Variants in ZNF254 observed in about 807,000 individuals in gnomAD.
The protein encoded by ZNF254 is zinc finger protein 254.
In ZNF254, 10 loss-of-function variants were observed where a neutral mutation model predicts 12.4. The ratio of observed to expected loss-of-function variants is 0.80; its 90% CI spans 0.50 to 1.36. The LOEUF is 1.36. ZNF254 is among the 40% of genes most tolerant of loss of function. The probability of loss-of-function intolerance (pLI) is 0.00; values close to 1 mark genes in which losing one functional copy is unlikely to be tolerated. For missense variants in ZNF254, 996 were observed against 763.9 expected (o/e 1.30, Z -3.58); for synonymous variants, 305 against 253.4 (o/e 1.20, Z -1.93).
At chr19:24,047,776 C>T (rs1173791143) in intron 2 of ZNF254, among the ~76,000 whole-genome samples, 4 of 150,962 alleles carry the variant, frequency 2.6e-5, no homozygotes, top group Non-Finnish European at 5.9e-5. Flanking sequence ...CAACCTCTAC[C>T]TCCCTGGTTT....
At chr19:24,084,932 CT>C (rs150066308), upstream of ZNF254, among the ~76,000 whole-genome samples, 347 of 119,670 alleles carry the variant, frequency 2.9e-3, 1 homozygote, top group African/African-American at 7.8e-3. Flanking sequence ...TGACCACAAT[CT>C]TTTTTTTTTT....
chr19:24,059,254 C>G (rs1410321479), intron 2 of ZNF254, among the ~76,000 whole-genome samples: 1 of 152,170 alleles, frequency 6.6e-6, no homozygotes, highest in Non-Finnish European at 1.5e-5. Context: ...CCTGTGTTTG[C>G]CTGTAAGAGA....
At chr19:24,123,221 T>C (rs1974605838) in intron 3 of ZNF254, among the ~76,000 whole-genome samples, 1 of 152,172 alleles carries the variant, frequency 6.6e-6, no homozygotes, top group Admixed American at 6.6e-5. Flanking sequence ...AATTTTTCAG[T>C]TTTTCTGTCT....
At chr19:24,077,643 G>A (rs1393984151) in intron 2 of ZNF254, among the ~76,000 whole-genome samples, 1 of 152,180 alleles carries the variant, frequency 6.6e-6, no homozygotes, top group East Asian at 1.9e-4. Context: ...GTGAAGATGG[G>A]AATAAACAGC....
In ZNF254 at chr19:24,096,512, G is replaced by A. The variant is rs572675079; in HGVS notation, c.30+9175G>A. The stretch of plus-strand genomic sequence containing the variant: ...TTGAACTATATTTCTGTTCAGCTGT[G>A]GTCTATGTGTTTGTTCTGTATAATT... On this transcript the variant is annotated intron_variant, in intron 1 of 3. Coordinates refer to ENST00000357002, the MANE Select transcript of ZNF254 (RefSeq NM_203282.4). Among the ~76,000 whole-genome samples the A allele has an allele frequency of 1.8e-3, 279 of 152,114 alleles. 1 individual carries two copies. The highest frequency in any genetic ancestry group is 6.2e-3 in the African/African-American group (258 of 41,494).
chr19:24,107,447 T>C (rs1973415423), intron 3 of ZNF254: 1 of 382,168 alleles, frequency 2.6e-6, no homozygotes, highest in Non-Finnish European at 4.6e-6. Flanking sequence ...GAGTATTTCA[T>C]TGATATTGTA....
At chr19:24,125,586 G>C (rs751816794) in intron 3 of ZNF254, among the ~76,000 whole-genome samples, 6 of 151,968 alleles carry the variant, frequency 3.9e-5, no homozygotes, top group Non-Finnish European at 8.8e-5. Flanking sequence ...GTCTTTGCTG[G>C]TGATTATGAG....
At chr19:24,106,668 T>A (rs754487481) in intron 3 of ZNF254, 25 bp downstream of exon 3, 2 of 1,546,516 alleles carry the variant, frequency 1.3e-6, no homozygotes, top group Non-Finnish European at 1.8e-6. Context: ...ATACAACAGA[T>A]GACATGGATG....
At chr19:24,086,399 G>A (rs1379058172), upstream of ZNF254, among the ~76,000 whole-genome samples, 1 of 151,948 alleles carries the variant, frequency 6.6e-6, no homozygotes, top group Non-Finnish European at 1.5e-5. Context: ...TCAGCCCCCC[G>A]GGTTCAAGGA....
chr19:24,061,847 G>A (rs1203576835), intron 2 of ZNF254, among the ~76,000 whole-genome samples: 1 of 152,164 alleles, frequency 6.6e-6, no homozygotes. Flanking sequence ...ACTTCAAGAG[G>A]TAGAGGTGGA....
intron 1 of ZNF254, among the ~76,000 whole-genome samples, chr19:24,038,536 GA>G (rs1417058930): frequency 6.6e-6 from 1 of 151,924 alleles, no homozygotes; most frequent in Non-Finnish European, 1.5e-5. Flanking sequence ...TAATTTTTCT[GA>G]GGCTTCAGAT....
At chr19:24,062,196 G>A (rs1403996899) in intron 2 of ZNF254, among the ~76,000 whole-genome samples, 1 of 152,018 alleles carries the variant, frequency 6.6e-6, no homozygotes, top group African/African-American at 2.4e-5. Context: ...GCACTTGGAT[G>A]GTACAGAGCA....
chr19:24,052,799 A>C (rs1403679919), intron 2 of ZNF254, among the ~76,000 whole-genome samples: 1 of 152,176 alleles, frequency 6.6e-6, no homozygotes, highest in Non-Finnish European at 1.5e-5. Context: ...ATTGTGATAC[A>C]TATCTTATCC....
chr19:24,083,350 A>G (rs1482422293), upstream of ZNF254, among the ~76,000 whole-genome samples: 1 of 152,208 alleles, frequency 6.6e-6, no homozygotes, highest in East Asian at 1.9e-4. Flanking sequence ...TCCCATGCTT[A>G]TAGATGGGTA....
In ZNF254 at chr19:24,092,592, G is replaced by A. The variant is rs186436478; in HGVS notation, c.30+5255G>A. 1.8e-4 allele frequency among the ~76,000 whole-genome samples: 28 copies of A among 152,014 alleles called. No individual in the cohort carries two copies. The East Asian group carries it at 5.5e-3, about 30-fold the overall frequency. ...GATGGGATTTTTCCATGTTGCTCAG[G>A]CTGGTCTCAAACTCCTGAGCTCAGG... On this transcript the variant is annotated intron_variant, in intron 1 of 3. Transcript: ENST00000357002.
chr19:24,118,262 C>T (rs141694781), intron 3 of ZNF254, among the ~76,000 whole-genome samples: 1,937 of 152,086 alleles, frequency 0.013, 128 homozygotes, highest in Admixed American at 0.1. Flanking sequence ...CCATGTTGAT[C>T]AGGCTGGTCT....
intron 2 of ZNF254, among the ~76,000 whole-genome samples, chr19:24,077,775 G>GGT (rs1335050082): frequency 2.6e-5 from 4 of 152,114 alleles, no homozygotes. Context: ...TGTGATACAG[G>GGT]GTGTGTGTGT....
At chr19:24,037,959 C>T (rs1970028004) in intron 1 of ZNF254, among the ~76,000 whole-genome samples, 1 of 152,134 alleles carries the variant, frequency 6.6e-6, no homozygotes, top group African/African-American at 2.4e-5. Context: ...GTTGACTGGG[C>T]TGGTCTCGAA....
At chr19:24,113,402 A>G (rs963518403) in intron 3 of ZNF254, among the ~76,000 whole-genome samples, 2 of 152,182 alleles carry the variant, frequency 1.3e-5, no homozygotes, top group Admixed American at 6.5e-5. Context: ...AATAAATGTA[A>G]TCCAGCATAT....
Sources: gnomAD v4.1 joint callset for allele counts (sites outside exome capture counted in the v4.1 genomes callset) on GRCh38, gnomAD v4.1.1 for gene constraint, MANE v1.5 for transcripts, NCBI Gene and HGNC (gene_info 2026-07-23, HGNC 2026-07-21) for gene names.